RYR3: variants seen among roughly 807,000 people sequenced by gnomAD.
RYR3 encodes the protein ryanodine receptor 3, also known as brain ryanodine receptor-calcium release channel.
Under a neutral mutation model 584.3 loss-of-function variants are expected in RYR3, and 207 were observed. The observed-to-expected ratio is 0.35, with a 90% CI of 0.32 to 0.40. RYR3 has a LOEUF of 0.40. RYR3 is among the 10% of genes least tolerant of loss of function. RYR3 has a pLI of 1.00. For missense variants in RYR3, 5,616 were observed against 6,089.2 expected (o/e 0.92, Z 2.59); for synonymous variants, 2,416 against 2,248.5 (o/e 1.07, Z -2.11).
chr15:33,758,263 C>T (rs969543482), intron 60 of RYR3, among the ~76,000 whole-genome samples: 1 of 152,144 alleles, frequency 6.6e-6, no homozygotes, highest in African/African-American at 2.4e-5. Context: ...TTTCCTACCC[C>T]AGTGGCACCT....
chr15:33,593,885 C>T (rs2059250508), intron 16 of RYR3, among the ~76,000 whole-genome samples: 1 of 152,090 alleles, frequency 6.6e-6, no homozygotes, highest in African/African-American at 2.4e-5. Context: ...TTATACTTGG[C>T]CTAATTATTT....
chr15:33,825,621 A>C lies in RYR3; in HGVS notation c.11091A>C (p.Ala3697=), dbSNP rs748741557. The change falls in exon 82 of 104, where the codon GCA becomes GCC. Residue 3697 remains alanine, a synonymous_variant. Transcript: ENST00000634891. ...MQSCSVLDLN[A]FERQNKAEGL... is the part of the protein sequence containing the mutation. Reference sequence around the variant, plus strand: ...TTAAAAGTGTCCTTGATTTGAATGCATTTGAGAGGCAGAATAAAGCTGAAG... The same window carrying C: ...TTAAAAGTGTCCTTGATTTGAATGCCTTTGAGAGGCAGAATAAAGCTGAAG... The C allele has an allele frequency of 1.2e-5, 19 of 1,611,896 alleles. No homozygotes were observed. Among genetic ancestry groups the C allele is most frequent in the Admixed American group, 1.7e-5 (1 of 59,900 alleles).
chr15:33,548,171 G>T lies in RYR3; in HGVS notation c.782G>T (p.Arg261Met), dbSNP rs746256497. The T allele has an allele frequency of 1.2e-6, 2 of 1,612,704 alleles. No homozygotes were observed. Among genetic ancestry groups the T allele is most frequent in the South Asian group, 1.1e-5 (1 of 90,632 alleles). ...GCTGGGGGAGCTGGGACTCGAGCCA[G>T]GTCTCTTTGGAGAGTGGAACCCCTT... ...YEAGGAGTRA[R>M]SLWRVEPLRI... is the part of the protein sequence containing the mutation. The change falls in exon 9 of 104, where the codon AGG (arginine) becomes ATG (methionine). Residue 261 changes from arginine (R) to methionine (M), a missense_variant. Around this residue, in one of 9 missense-constraint regions of RYR3, gnomAD observed 1,284 missense variants for 1,344.6 expected, o/e 0.95. Coordinates refer to ENST00000634891, the MANE Select transcript of RYR3 (RefSeq NM_001036.6).
chr15:33,841,586 G>A (rs918063286), intron 90 of RYR3, among the ~76,000 whole-genome samples: 2 of 152,068 alleles, frequency 1.3e-5, no homozygotes, highest in Non-Finnish European at 2.9e-5. Context: ...GAAAATAAAG[G>A]GTAACTTCAG....
chr15:33,518,833 A>G (rs2053742370), intron 3 of RYR3, among the ~76,000 whole-genome samples: 1 of 152,218 alleles, frequency 6.6e-6, no homozygotes, highest in African/African-American at 2.4e-5. Context: ...AGCATTAGAC[A>G]ACTCAAAACA....
At chr15:33,618,782 C>G (rs997402430) in intron 19 of RYR3, among the ~76,000 whole-genome samples, 1 of 152,114 alleles carries the variant, frequency 6.6e-6, no homozygotes, top group Non-Finnish European at 1.5e-5. Flanking sequence ...AATATGATAG[C>G]CTAACGAAAG....
chr15:33,505,476 A>G (rs2052388485), intron 3 of RYR3, among the ~76,000 whole-genome samples: 1 of 152,082 alleles, frequency 6.6e-6, no homozygotes, highest in Admixed American at 6.6e-5. Context: ...CATACTCTCA[A>G]ACACTTCCAG....
Position 33,838,604 on chromosome 15 carries a change from G to T in RYR3, c.12624G>T (p.Gln4208His). 1.9e-6 allele frequency: 3 copies of T among 1,613,920 alleles called. No individual in the cohort carries two copies. Among genetic ancestry groups the T allele is most frequent in the Non-Finnish European group, 2.5e-6 (3 of 1,179,870 alleles). ...LLFTILGGIF[Q>H]ILWSTVFGGG... ...TCACCATCCTGGGAGGAATCTTTCA[G>T]ATCCTCTGGAGCACAGTGTTTGGAG... The change falls in exon 89 of 104, where the codon CAG becomes CAT. Residue 4208 changes from glutamine to histidine, a missense_variant. Gln to His is a conservative substitution (Grantham distance 24, BLOSUM62 0). Around this residue, in one of 9 missense-constraint regions of RYR3, gnomAD observed 918 missense variants for 887.4 expected, o/e 1.03. Coordinates refer to ENST00000634891, the MANE Select transcript of RYR3 (RefSeq NM_001036.6).
At position 33,412,751 on chromosome 15, in the gene RYR3, C is replaced by T. The variant is rs915478059; in HGVS notation, c.52-60668C>T. 1.3e-5 allele frequency among the ~76,000 whole-genome samples: 2 copies of T among 152,176 alleles called. No homozygotes were observed. Among genetic ancestry groups the T allele is most frequent in the Non-Finnish European group, 1.5e-5 (1 of 68,042 alleles). On this transcript the variant is annotated intron_variant, in intron 1 of 103. Coordinates refer to ENST00000634891, the MANE Select transcript of RYR3 (RefSeq NM_001036.6). This position sits in a 1 kb window ranked among gnomAD's most constrained non-coding sequence, Gnocchi z 4.3. ...ATTTTCAGAACTGTCCTCCGGTTTG[C>T]CTGTTTCACACCCTCCCACTTCTAC...
At position 33,533,381 on chromosome 15, in the gene RYR3, A is replaced by G. The variant is rs1192495472; in HGVS notation, c.425A>G (p.His142Arg). The G allele has an allele frequency of 1.2e-6, 2 of 1,605,262 alleles. No individual in the cohort carries two copies. Among genetic ancestry groups the G allele is most frequent in the Non-Finnish European group, 1.7e-6 (2 of 1,175,252 alleles). Residue 142 changes from histidine (H) to arginine (R), a missense_variant, in exon 5 of 104, where the codon CAT becomes CGT. Physicochemically the swap from His to Arg is conservative, Grantham distance 29. This residue lies in a region of RYR3 where 1,284 missense variants were observed against 1,344.6 expected (regional missense o/e 0.95). Coordinates refer to ENST00000634891, the MANE Select transcript of RYR3 (RefSeq NM_001036.6). ...GCCTTTGATGTAGGTCTACGGGAAC[A>G]TGCCACAGGTGAGTCAGCATTCCCA... ...KLAFDVGLRE[H>R]ATGEACWWTI...
chr15:33,472,373 A>T (rs2049001939), intron 1 of RYR3, among the ~76,000 whole-genome samples: 4 of 152,182 alleles, frequency 2.6e-5, no homozygotes, highest in Non-Finnish European at 5.9e-5. Context: ...ATTTCTACTT[A>T]ATCTGCCTTT....
intron 1 of RYR3, among the ~76,000 whole-genome samples, chr15:33,396,276 A>G (rs2042290865): frequency 6.6e-6 from 1 of 152,178 alleles, no homozygotes; most frequent in South Asian, 2.1e-4. Context: ...TAAGAGCCAC[A>G]GAATATATCC....
At chr15:33,359,025 A>T (rs563305368) in intron 1 of RYR3, among the ~76,000 whole-genome samples, 1 of 152,166 alleles carries the variant, frequency 6.6e-6, no homozygotes, top group East Asian at 1.9e-4. Context: ...TTCAGAGCCA[A>T]CCTATGAAGT....
In RYR3 at chr15:33,854,733, C is replaced by G; in HGVS notation, c.13861-33C>G. On this transcript the variant is annotated intron_variant, in intron 97 of 103. Coordinates refer to ENST00000634891, the MANE Select transcript of RYR3 (RefSeq NM_001036.6). ...TATAATGAGCACACTATGAGGCAAA[C>G]ATGCTTAAAAGTCTGCTTTCTTCCA... 4 of 1,577,756 alleles carry G rather than the reference C, an allele frequency of 2.5e-6. No individual in the cohort carries two copies. The South Asian group carries it at 4.8e-5, about 19-fold the overall frequency.
At chr15:33,583,384 C>A (rs2152519433) in intron 14 of RYR3, among the ~76,000 whole-genome samples, 1 of 152,282 alleles carries the variant, frequency 6.6e-6, no homozygotes, top group East Asian at 1.9e-4. Flanking sequence ...TTTAAGAAAA[C>A]ATTGCAAGAA....
intron 38 of RYR3, among the ~76,000 whole-genome samples, chr15:33,685,186 G>A (rs1322555803): frequency 1.3e-5 from 2 of 152,218 alleles, no homozygotes; most frequent in African/African-American, 2.4e-5. Context: ...TCAGTGTGCT[G>A]TATTCGGGAG....
At chr15:33,723,911 A>G (rs12441184) in intron 44 of RYR3, among the ~76,000 whole-genome samples, 154 bp from the exon 45 acceptor site, 3,774 of 152,300 alleles carry the variant, frequency 0.025, 108 homozygotes, top group Admixed American at 0.054. Flanking sequence ...GAATGAAACC[A>G]CTTTGTCAAC....
chr15:33,550,024 C>T, intron 9 of RYR3, 136 bp from the exon 10 acceptor site: 1 of 810,092 alleles, frequency 1.2e-6, no homozygotes, highest in Non-Finnish European at 1.9e-6. Flanking sequence ...AAGCCAGCAG[C>T]CTGGTGCGTT....
rs368142068 is a variant in RYR3 at position 33,603,208 on chromosome 15, G to T, written c.2008G>T (p.Asp670Tyr). 6.8e-6 allele frequency: 11 copies of T among 1,613,852 alleles called. No homozygotes were observed. The highest frequency in any genetic ancestry group is 9.3e-6 in the Non-Finnish European group (11 of 1,179,836). ...CTTCGAGCTGATTATCGACCAGGTG[G>T]ACCCCTTCCTAACAGCAGAGCCCAC... Reference protein sequence around the residue: ...WYFELIIDQVDPFLTAEPTHL... With the variant: ...WYFELIIDQVYPFLTAEPTHL... The change falls in exon 18 of 104, where the codon GAC (aspartate) becomes TAC (tyrosine). Residue 670 changes from aspartate to tyrosine, a missense_variant. By Grantham distance (160) the Asp-to-Tyr change is radical. Transcript: ENST00000634891.
Sources: gnomAD v4.1 joint callset for allele counts (sites outside exome capture counted in the v4.1 genomes callset) on GRCh38, gnomAD v4.1.1 for gene constraint, gnomAD v4.1.1 regional missense constraint, Gnocchi (gnomAD v3.1) non-coding constraint, MANE v1.5 for transcripts, NCBI Gene and HGNC (gene_info 2026-07-23, HGNC 2026-07-21) for gene names.